Variants in MAN1A2 observed in about 807,000 individuals in gnomAD.
MAN1A2 encodes the protein mannosidase alpha class 1A member 2, also known as mannosyl-oligosaccharide 1,2-alpha-mannosidase IB.
Under a neutral mutation model 75.7 loss-of-function variants are expected in MAN1A2, and 26 were observed. The observed-to-expected ratio is 0.34, with a 90% CI of 0.25 to 0.48. MAN1A2 has a LOEUF of 0.48. Ranked by LOEUF, MAN1A2 falls within the 20% of genes least tolerant of loss-of-function variation. MAN1A2 has a pLI of 0.99. For synonymous variants in MAN1A2, 247 were observed against 264.6 expected (o/e 0.93, Z 0.65); for missense variants, 562 against 775.5 (o/e 0.72, Z 3.27).
chr1:117,455,170 C>T (rs1649539586), intron 6 of MAN1A2, among the ~76,000 whole-genome samples: 1 of 151,978 alleles, frequency 6.6e-6, no homozygotes, highest in Non-Finnish European at 1.5e-5. Flanking sequence ...TACCATTTAG[C>T]CATAAAAAGA....
intron 1 of MAN1A2, among the ~76,000 whole-genome samples, chr1:117,376,623 G>A (rs1280312216): frequency 1.3e-5 from 2 of 152,224 alleles, no homozygotes; most frequent in Admixed American, 1.3e-4. Context: ...ATTTTGAAGC[G>A]TTTTGGTAAG....
At chr1:117,411,948 C>A (rs564877932) in intron 3 of MAN1A2, among the ~76,000 whole-genome samples, 1 of 151,826 alleles carries the variant, frequency 6.6e-6, no homozygotes, top group South Asian at 2.1e-4. Flanking sequence ...CAATTCCACT[C>A]CTAAATATTT....
chr1:117,429,643 C>T (rs1648525425), intron 5 of MAN1A2, among the ~76,000 whole-genome samples: 2 of 112,802 alleles, frequency 1.8e-5, no homozygotes, highest in African/African-American at 3.5e-5. Context: ...CCTCACTTCC[C>T]AGTAGGGGCG....
chr1:117,368,169 C>T lies in MAN1A2; in HGVS notation c.-15C>T, dbSNP rs372784994. Reference sequence around the variant, plus strand: ...ATGAGAACTTTCTAAAGTATTCTCTCCAAGAGCGTAAACGATGACTACCCC... The same window carrying T: ...ATGAGAACTTTCTAAAGTATTCTCTTCAAGAGCGTAAACGATGACTACCCC... On this transcript the variant is annotated 5_prime_UTR_variant, in exon 1 of 13. Coordinates refer to ENST00000356554, the MANE Select transcript of MAN1A2 (RefSeq NM_006699.5). 15 of 1,598,696 alleles carry T rather than the reference C, an allele frequency of 9.4e-6. No homozygotes were observed. The highest frequency in any genetic ancestry group is 1.3e-5 in the Non-Finnish European group (15 of 1,174,584).
At chr1:117,413,129 G>A (rs568092053) in intron 3 of MAN1A2, among the ~76,000 whole-genome samples, 8 of 151,930 alleles carry the variant, frequency 5.3e-5, no homozygotes, top group East Asian at 1.9e-4. Flanking sequence ...CATTTTTATC[G>A]TAATAAAAAG....
At chr1:117,398,149 A>C (rs141639443) in intron 1 of MAN1A2, among the ~76,000 whole-genome samples, 1 of 152,192 alleles carries the variant, frequency 6.6e-6, no homozygotes, top group Non-Finnish European at 1.5e-5. Context: ...AATGGAGTTA[A>C]TAGTCATCAG....
intron 1 of MAN1A2, among the ~76,000 whole-genome samples, chr1:117,375,150 T>A (rs1462315945): frequency 6.6e-6 from 1 of 152,224 alleles, no homozygotes; most frequent in Non-Finnish European, 1.5e-5. Context: ...CTTCACCTGT[T>A]ACCTGAGACT....
chr1:117,517,204 A>T (rs1461333857), intron 12 of MAN1A2, among the ~76,000 whole-genome samples: 3 of 152,118 alleles, frequency 2.0e-5, no homozygotes, highest in Non-Finnish European at 4.4e-5. Context: ...CCTGAACAAA[A>T]CTCAAGGTTT....
intron 8 of MAN1A2, among the ~76,000 whole-genome samples, chr1:117,477,718 C>G (rs762578406): frequency 6.6e-6 from 1 of 152,028 alleles, no homozygotes; most frequent in African/African-American, 2.4e-5. Flanking sequence ...CCTTTGAAAA[C>G]TGGCACAAGA....
chr1:117,405,500 C>G, intron 2 of MAN1A2, 49 bp from the exon 3 acceptor site: 1 of 1,147,490 alleles, frequency 8.7e-7, no homozygotes, highest in East Asian at 2.4e-5. Context: ...AATAAAAAAA[C>G]AGTTTGTGAA....
chr1:117,427,061 TATAAC>T (rs1328590821), intron 5 of MAN1A2, among the ~76,000 whole-genome samples: 4 of 152,174 alleles, frequency 2.6e-5, no homozygotes, highest in Admixed American at 2.6e-4. Context: ...TCTCAGAAGA[TATAAC>T]AGAATCAGCT....
At chr1:117,369,938 T>TTA (rs1652902504) in intron 1 of MAN1A2, among the ~76,000 whole-genome samples, 3 of 152,220 alleles carry the variant, frequency 2.0e-5, no homozygotes, top group Non-Finnish European at 1.5e-5. Context: ...ATTACTTAGC[T>TTA]CTATTATTAA....
intron 1 of MAN1A2, among the ~76,000 whole-genome samples, chr1:117,392,190 A>C (rs1354327858): frequency 2.6e-5 from 4 of 151,982 alleles, no homozygotes; most frequent in African/African-American, 9.7e-5. Context: ...ATTTTTCCCC[A>C]GGCTGCATTG....
chr1:117,494,757 G>A (rs1032585212), intron 9 of MAN1A2: 2 of 151,880 alleles, frequency 1.3e-5, no homozygotes, highest in African/African-American at 4.8e-5. Flanking sequence ...TCCAAGATGG[G>A]TTATTATCTG....
rs1172334683 is a variant in MAN1A2, at chr1:117,528,619, G to C, written c.*5662G>C. ...TTTTAAAGAAAATTTAGAAGTTTTT[G>C]CTGAATTAAAGTATCTTCAATTTTA... On this transcript the variant is annotated 3_prime_UTR_variant, in exon 13 of 13. Transcript: ENST00000356554. 6.6e-6 allele frequency: 1 copy of C among 152,054 alleles called. No homozygotes were observed. Among genetic ancestry groups the C allele is most frequent in the Non-Finnish European group, 1.5e-5 (1 of 67,988 alleles). The allele number at this position is 152,054 out of a possible 1,614,324, so 9.4% of individuals were successfully genotyped here.
At chr1:117,472,184 C>T (rs902897398) in intron 8 of MAN1A2, among the ~76,000 whole-genome samples, 1 of 151,858 alleles carries the variant, frequency 6.6e-6, no homozygotes, top group Non-Finnish European at 1.5e-5. Context: ...TTTGGAATAC[C>T]TTCCGCCTTC....
At chr1:117,393,856 T>C (rs966036690) in intron 1 of MAN1A2, among the ~76,000 whole-genome samples, 4 of 152,174 alleles carry the variant, frequency 2.6e-5, no homozygotes, top group African/African-American at 4.8e-5. Context: ...GAATGAAAGC[T>C]GATATAAATA....
intron 7 of MAN1A2, among the ~76,000 whole-genome samples, chr1:117,465,405 T>C (rs902513201): frequency 5.9e-5 from 9 of 152,296 alleles, no homozygotes; most frequent in African/African-American, 1.9e-4. Context: ...TGGTCTCAAA[T>C]GTGAAAGAAC....
At chr1:117,439,784 C>T (rs922930321) in intron 5 of MAN1A2, among the ~76,000 whole-genome samples, 1 of 152,152 alleles carries the variant, frequency 6.6e-6, no homozygotes, top group African/African-American at 2.4e-5. Context: ...GGTGAGCCAC[C>T]ACGCCCAGCC....
Sources: allele counts gnomAD v4.1 joint callset (sites outside exome capture counted in the v4.1 genomes callset), GRCh38; gene constraint gnomAD v4.1.1; transcripts MANE v1.5; gene names NCBI Gene and HGNC (gene_info 2026-07-23, HGNC 2026-07-21).